ELAVL2: variants seen among roughly 807,000 people sequenced by gnomAD.
The protein encoded by ELAVL2 is ELAV-like protein 2.
A neutral mutation model predicts 34.6 loss-of-function variants in ELAVL2; 4 were observed. The ratio of observed to expected loss-of-function variants is 0.12; its 90% CI spans 0.06 to 0.26. The LOEUF (loss-of-function observed/expected upper bound fraction) is 0.26, where lower values mean the gene tolerates loss of function less well. Among genes scored for constraint, ELAVL2 ranks in the 10% least tolerant of loss-of-function variants. ELAVL2 has a pLI of 1.00. For missense variants in ELAVL2, 432 were observed against 442.8 expected, an observed-to-expected ratio of 0.98 and a Z score of 0.22; for synonymous variants, 193 against 154.8, an observed-to-expected ratio of 1.25 and a Z score of -1.83.
chr9:23,766,272 G>A (rs1218027503), intron 1 of ELAVL2, among the ~76,000 whole-genome samples: 1 of 152,068 alleles, frequency 6.6e-6, no homozygotes, highest in African/African-American at 2.4e-5. Flanking sequence ...ACTGTAACAA[G>A]AGATTTTGGT....
chr9:23,717,187 T>C (rs1198480445), intron 3 of ELAVL2, among the ~76,000 whole-genome samples: 1 of 152,250 alleles, frequency 6.6e-6, no homozygotes, highest in African/African-American at 2.4e-5. Flanking sequence ...TTTGACCTAC[T>C]TCATATAGTA....
intron 1 of ELAVL2, among the ~76,000 whole-genome samples, chr9:23,801,596 C>A (rs1029731931): frequency 1.3e-5 from 2 of 152,176 alleles, no homozygotes; most frequent in African/African-American, 4.8e-5. Context: ...AAATCAACAT[C>A]ATTAAGAATG....
intron 3 of ELAVL2, among the ~76,000 whole-genome samples, chr9:23,724,146 C>CA (rs1302382805): frequency 6.6e-6 from 1 of 152,156 alleles, no homozygotes; most frequent in Non-Finnish European, 1.5e-5. Context: ...GCTTAGGTAA[C>CA]AAAATGATCC....
chr9:23,837,592 A>C, the ELAVL2 span, among the ~76,000 whole-genome samples: 1 of 152,176 alleles, frequency 6.6e-6, no homozygotes. Flanking sequence ...AAATTAAAAG[A>C]GCTGGGATTT....
At chr9:23,742,167 C>A (rs2049363189) in intron 2 of ELAVL2, among the ~76,000 whole-genome samples, 1 of 152,104 alleles carries the variant, frequency 6.6e-6, no homozygotes, top group South Asian at 2.1e-4. Context: ...ATATGGATAA[C>A]CCCAACCACC....
chr9:23,786,802 A>AAAAAAAAAAAAAAAAAAAAAAC (rs1554747169), intron 1 of ELAVL2, among the ~76,000 whole-genome samples: 2 of 127,336 alleles, frequency 1.6e-5, no homozygotes, highest in Non-Finnish European at 3.3e-5. Flanking sequence ...AAAAAAAAAA[A>AAAAAAAAAAAAAAAAAAAAAAC]AGAGAGAGAG....
intron 2 of ELAVL2, among the ~76,000 whole-genome samples, chr9:23,753,682 G>A (rs755739717): frequency 1.3e-5 from 2 of 151,780 alleles, no homozygotes; most frequent in South Asian, 2.1e-4. Flanking sequence ...CTTCCTCATC[G>A]ACATTTTCCA....
At chr9:23,801,595 T>C (rs1300667972) in intron 1 of ELAVL2, among the ~76,000 whole-genome samples, 1 of 152,182 alleles carries the variant, frequency 6.6e-6, no homozygotes, top group Non-Finnish European at 1.5e-5. Flanking sequence ...GAAATCAACA[T>C]CATTAAGAAT....
intron 3 of ELAVL2, among the ~76,000 whole-genome samples, chr9:23,707,482 G>C (rs147458763): frequency 2.0e-4 from 30 of 151,764 alleles, no homozygotes; most frequent in African/African-American, 7.3e-4. Flanking sequence ...CATGTCCCAT[G>C]GGCTCCAGGG....
At chr9:23,774,196 T>C (rs1226264751) in intron 1 of ELAVL2, among the ~76,000 whole-genome samples, 1 of 109,358 alleles carries the variant, frequency 9.1e-6, no homozygotes, top group Non-Finnish European at 1.7e-5. Flanking sequence ...TGGGCAAAAG[T>C]GCGAGAGACT....
At chr9:23,731,348 A>T (rs2046489879) in intron 2 of ELAVL2, among the ~76,000 whole-genome samples, 2 of 151,946 alleles carry the variant, frequency 1.3e-5, no homozygotes, top group Admixed American at 6.6e-5. Flanking sequence ...AGGAAAAAAA[A>T]AACACACATC....
intron 1 of ELAVL2, among the ~76,000 whole-genome samples, chr9:23,764,467 C>T (rs1052689807): frequency 3.3e-5 from 5 of 152,100 alleles, no homozygotes; most frequent in Non-Finnish European, 5.9e-5. Flanking sequence ...ACCATCTGCT[C>T]AGAATAAAAT....
chr9:23,698,557 A>C (rs1008017741), intron 5 of ELAVL2, among the ~76,000 whole-genome samples: 1 of 152,212 alleles, frequency 6.6e-6, no homozygotes, highest in African/African-American at 2.4e-5. Flanking sequence ...CTATGAGAAC[A>C]TAAAAATACA....
At chr9:23,759,484 T>A (rs1017769202) in intron 2 of ELAVL2, among the ~76,000 whole-genome samples, 3 of 151,658 alleles carry the variant, frequency 2.0e-5, no homozygotes, top group African/African-American at 7.3e-5. Context: ...TGGTGTGCTA[T>A]TCCACAGAAG....
chr9:23,802,317 T>C (rs1220099542), intron 1 of ELAVL2, among the ~76,000 whole-genome samples: 1 of 152,170 alleles, frequency 6.6e-6, no homozygotes, highest in Non-Finnish European at 1.5e-5. Flanking sequence ...TACAAGGGAC[T>C]TCCAAACGCT....
At chr9:23,789,461 A>C (rs948671682) in intron 1 of ELAVL2, among the ~76,000 whole-genome samples, 4 of 152,228 alleles carry the variant, frequency 2.6e-5, no homozygotes, top group South Asian at 4.1e-4. Flanking sequence ...AGTATTGAGG[A>C]AACAGTTCAA....
At chr9:23,718,949 G>T (rs1247451862) in intron 3 of ELAVL2, among the ~76,000 whole-genome samples, 1 of 152,112 alleles carries the variant, frequency 6.6e-6, no homozygotes, top group Non-Finnish European at 1.5e-5. Context: ...AATAATTACT[G>T]TATTCCCAAA....
chr9:23,721,984 C>T lies in ELAVL2; in HGVS notation c.333+9038G>A, dbSNP rs114737840. On this transcript the variant is annotated intron_variant, in intron 3 of 6. Coordinates refer to ENST00000397312, the MANE Select transcript of ELAVL2 (RefSeq NM_004432.5). ...ACTTTTTGCTATATGGGGGCTGCTA[C>T]CCATAGCCCCCGAATTGTTCAAGTG... Among the ~76,000 whole-genome samples the T allele has an allele frequency of 9.9e-3, 1,510 of 152,224 alleles. 31 individuals carry two copies. The highest frequency in any genetic ancestry group is 0.035 in the African/African-American group (1,449 of 41,510).
chr9:23,820,590 G>A (rs2064443140), intron 1 of ELAVL2, among the ~76,000 whole-genome samples: 1 of 152,192 alleles, frequency 6.6e-6, no homozygotes. Context: ...ATGGTTTTAC[G>A]CTCTGGCCCT....
Sources: allele counts gnomAD v4.1 joint callset (sites outside exome capture counted in the v4.1 genomes callset), GRCh38; gene constraint gnomAD v4.1.1; transcripts MANE v1.5; gene names NCBI Gene and HGNC (gene_info 2026-07-23, HGNC 2026-07-21).